The following PPP1R37 variants were observed in gnomAD, a reference collection of about 807,000 sequenced individuals.
PPP1R37 encodes leucine rich repeat containing 68.
A neutral mutation model predicts 61.0 loss-of-function variants in PPP1R37; 21 were observed. The observed-to-expected ratio is 0.34, with a 90% CI of 0.24 to 0.50. The LOEUF (loss-of-function observed/expected upper bound fraction) is 0.50. Among genes scored for constraint, PPP1R37 ranks in the 20% least tolerant of loss-of-function variants. The pLI is 0.98. For missense variants in PPP1R37, 910 were observed against 952.7 expected (o/e 0.96, Z 0.59); for synonymous variants, 443 against 433.5 (o/e 1.02, Z -0.27).
In PPP1R37 at chr19:45,145,509, G is replaced by C. The variant is rs1363043085; in HGVS notation, c.1453G>C (p.Asp485His). The C allele has an allele frequency of 6.5e-7, 1 of 1,534,108 alleles. No homozygotes were observed. The highest frequency in any genetic ancestry group is 8.7e-7 in the Non-Finnish European group (1 of 1,146,032). ...GACCACCGCCACCGAGCCCCAGCCC[G>C]ACGACGAGCCCGCCGCTGGGGTGCA... ...PETTATEPQP[D>H]DEPAAGVQNG... Residue 485 changes from aspartate (D) to histidine (H), a missense_variant, in exon 11 of 13, where the codon GAC (aspartate) becomes CAC (histidine). Transcript: ENST00000221462.
At chr19:45,122,302 A>G (rs939296403) in intron 1 of PPP1R37, among the ~76,000 whole-genome samples, 3 of 152,142 alleles carry the variant, frequency 2.0e-5, no homozygotes, top group African/African-American at 7.2e-5. Context: ...ACAAGAAGGG[A>G]CCTTCCCTGA....
chr19:45,114,428 C>T (rs1012738417), intron 1 of PPP1R37, among the ~76,000 whole-genome samples: 8 of 152,144 alleles, frequency 5.3e-5, no homozygotes, highest in Admixed American at 5.2e-4. Flanking sequence ...GTGTCTGGAA[C>T]AGGACCACCC....
Position 45,140,182 on chromosome 19 carries a change from G to A in PPP1R37, c.301-54G>A, listed in dbSNP as rs145603800. 493 of 1,476,370 alleles carry A rather than the reference G, an allele frequency of 3.3e-4. 2 individuals are homozygous for A. The East Asian group carries it at 1.0e-2, about 30-fold the overall frequency. The allele number at this position is 1,476,370 out of a possible 1,614,324, so 91.5% of individuals were successfully genotyped here. Reference sequence around the variant, plus strand: ...AGGCATAGCAGCCATTTGGGGCCTCGGCTGCCCCCCTGTTCAAGTGTCTTC... The same window carrying A: ...AGGCATAGCAGCCATTTGGGGCCTCAGCTGCCCCCCTGTTCAAGTGTCTTC... On this transcript the variant is annotated intron_variant, in intron 2 of 12. Coordinates refer to ENST00000221462, the MANE Select transcript of PPP1R37 (RefSeq NM_019121.2).
At position 45,136,207 on chromosome 19, in the gene PPP1R37, G is replaced by A. The variant is rs1968537339; in HGVS notation, c.203-2307G>A. The A allele has an allele frequency of 3.3e-5, 5 of 152,228 alleles. No individual in the cohort carries two copies. The South Asian group carries it at 8.3e-4, about 25-fold the overall frequency. The allele number at this position is 152,228 out of a possible 1,614,324, so 9.4% of individuals were successfully genotyped here. A position where few individuals can be genotyped will look rare whatever the true frequency, so the allele number is the denominator to read the frequency against. ...GAAGCGATAGGATGTAGCAGCAGCTGTAATAAGGCCTTCAGTCTCAGAGTA... is the reference window on the plus strand; with the variant it reads ...GAAGCGATAGGATGTAGCAGCAGCTATAATAAGGCCTTCAGTCTCAGAGTA... On this transcript the variant is annotated intron_variant, in intron 1 of 12. Coordinates refer to ENST00000221462, the MANE Select transcript of PPP1R37 (RefSeq NM_019121.2).
chr19:45,093,476 G>A lies in PPP1R37; in HGVS notation c.151G>A (p.Asp51Asn). The change falls in exon 1 of 13, where the codon GAC (aspartate) becomes AAC (asparagine). Residue 51 changes from aspartate to asparagine, a missense_variant. By Grantham distance (23) the Asp-to-Asn change is conservative (BLOSUM62 1). Coordinates refer to ENST00000221462, the MANE Select transcript of PPP1R37 (RefSeq NM_019121.2). ...AAAKRVTFPS[D>N]EDIVSGAVEP... Reference sequence around the variant, plus strand: ...AGCCAAGCGCGTCACATTCCCGTCCGACGAGGATATCGTGTCTGGAGCAGT... The same window carrying A: ...AGCCAAGCGCGTCACATTCCCGTCCAACGAGGATATCGTGTCTGGAGCAGT... The A allele has an allele frequency of 5.2e-6, 8 of 1,535,490 alleles. No homozygotes were observed. The highest frequency in any genetic ancestry group is 7.0e-6 in the Non-Finnish European group (8 of 1,146,696).
chr19:45,102,054 T>C (rs77565836), intron 1 of PPP1R37, among the ~76,000 whole-genome samples: 4,103 of 152,286 alleles, frequency 0.027, 190 homozygotes, highest in African/African-American at 0.092. Context: ...CTTGGCCTGC[T>C]TGGGACATCC....
intron 4 of PPP1R37, 175 bp downstream of exon 4, chr19:45,140,781 A>G: frequency 1.7e-6 from 1 of 598,820 alleles, no homozygotes; most frequent in South Asian, 2.0e-5. Flanking sequence ...ACCAGAGTGG[A>G]TGTGGAGGGC....
Position 45,104,538 on chromosome 19 carries a change from A to G in PPP1R37, c.202+11011A>G, listed in dbSNP as rs1397519022. 2.6e-5 allele frequency among the ~76,000 whole-genome samples: 4 copies of G among 152,034 alleles called. No homozygotes were observed. In the East Asian group the frequency reaches 5.8e-4, roughly 22 times the overall value. ...GCCAACCAGCGCCTGTTTTGCCTCC[A>G]CTTTGCTGTCCCTGCCATGCCAGGT... is the stretch of plus-strand genomic sequence containing the variant. On this transcript the variant is annotated intron_variant, in intron 1 of 12. Transcript: ENST00000221462.
chr19:45,140,840 G>A (rs934999180), intron 4 of PPP1R37, among the ~76,000 whole-genome samples: 1 of 152,174 alleles, frequency 6.6e-6, no homozygotes, highest in Non-Finnish European at 1.5e-5. Flanking sequence ...GAGCCTTAGG[G>A]AGCTGGGCTG....
In PPP1R37 at chr19:45,138,501, C is replaced by T; in HGVS notation, c.203-13C>T. The stretch of plus-strand genomic sequence containing the variant: ...TGTGGACAGTCACAGGCCTGGGTCC[C>T]CTGTGCCTGCAGCCCAGAATGTGAC... On this transcript the variant is annotated splice_polypyrimidine_tract_variant and intron_variant, in intron 1 of 12. Coordinates refer to ENST00000221462, the MANE Select transcript of PPP1R37 (RefSeq NM_019121.2). The T allele has an allele frequency of 6.5e-7, 1 of 1,533,816 alleles. No individual in the cohort carries two copies. The highest frequency in any genetic ancestry group is 8.7e-7 in the Non-Finnish European group (1 of 1,145,022).
intron 1 of PPP1R37, among the ~76,000 whole-genome samples, chr19:45,105,947 G>A (rs1968124577): frequency 6.6e-6 from 1 of 152,252 alleles, no homozygotes; most frequent in East Asian, 1.9e-4. Flanking sequence ...CATGGAGCCT[G>A]GCTTAGAGTG....
intron 12 of PPP1R37, 30 bp from the exon 13 acceptor site, chr19:45,146,541 C>T (rs1968703901): frequency 8.2e-6 from 10 of 1,216,424 alleles, no homozygotes; most frequent in East Asian, 2.6e-5. Context: ...CTGGCTCTGA[C>T]AGTCTCTCCC....
Position 45,117,835 on chromosome 19 carries a change from C to T in PPP1R37, c.203-20679C>T, listed in dbSNP as rs138549743. 1.9e-3 allele frequency among the ~76,000 whole-genome samples: 287 copies of T among 152,314 alleles called. 1 individual carries two copies. The Middle Eastern group carries it at 0.034, about 18-fold the overall frequency. On this transcript the variant is annotated intron_variant, in intron 1 of 12. Transcript: ENST00000221462. Reference sequence around the variant, plus strand: ...GTAGCACCTGGCAGGAGGCTGGCTCCGTAAGCCAGTGCTCGTCCTTGGCAT... The same window carrying T: ...GTAGCACCTGGCAGGAGGCTGGCTCTGTAAGCCAGTGCTCGTCCTTGGCAT...
intron 1 of PPP1R37, among the ~76,000 whole-genome samples, chr19:45,095,364 C>T (rs987322012): frequency 1.5e-4 from 23 of 148,714 alleles, no homozygotes; most frequent in African/African-American, 5.5e-4. Flanking sequence ...CTCGAACTCC[C>T]GACCTCAGGT....
chr19:45,130,808 C>A lies in PPP1R37; in HGVS notation c.203-7706C>A, dbSNP rs534281802. The stretch of plus-strand genomic sequence containing the variant: ...GGTGGACACTGGGGCATGGGAAGGT[C>A]ATTTCCAGCCAGAGGTAGCATGGTT... On this transcript the variant is annotated intron_variant, in intron 1 of 12. Coordinates refer to ENST00000221462, the MANE Select transcript of PPP1R37 (RefSeq NM_019121.2). This position sits in a 1 kb window ranked among gnomAD's most constrained non-coding sequence, Gnocchi z 4.4. Among the ~76,000 whole-genome samples the A allele has an allele frequency of 2.9e-4, 44 of 152,260 alleles. No homozygotes were observed. Among genetic ancestry groups the A allele is most frequent in the Non-Finnish European group, 4.7e-4 (32 of 68,020 alleles).
intron 1 of PPP1R37, among the ~76,000 whole-genome samples, chr19:45,135,779 C>T (rs1345383840): frequency 7.0e-5 from 9 of 128,834 alleles, no homozygotes; most frequent in Admixed American, 3.1e-4. Context: ...TTTGCATTTC[C>T]TTTTTTTTTT....
At chr19:45,105,128 G>T (rs1325878251) in intron 1 of PPP1R37, among the ~76,000 whole-genome samples, 1 of 152,180 alleles carries the variant, frequency 6.6e-6, no homozygotes, top group Non-Finnish European at 1.5e-5. Context: ...GGCAGGTGGA[G>T]AAGGAAGTGG....
At chr19:45,103,077 A>G (rs941575307) in intron 1 of PPP1R37, among the ~76,000 whole-genome samples, 2 of 152,226 alleles carry the variant, frequency 1.3e-5, no homozygotes, top group African/African-American at 2.4e-5. Flanking sequence ...GGCAGGACCC[A>G]TCTTTGTCTT....
chr19:45,115,530 C>G (rs746915390), intron 1 of PPP1R37, among the ~76,000 whole-genome samples: 1 of 152,072 alleles, frequency 6.6e-6, no homozygotes, highest in Non-Finnish European at 1.5e-5. Context: ...TGCTCAGGCT[C>G]GAATCCCGGC....
Sources: gnomAD v4.1 joint callset for allele counts (sites outside exome capture counted in the v4.1 genomes callset) on GRCh38, gnomAD v4.1.1 for gene constraint, Gnocchi (gnomAD v3.1) non-coding constraint, MANE v1.5 for transcripts, NCBI Gene and HGNC (gene_info 2026-07-23, HGNC 2026-07-21) for gene names.